The following CDK14 variants were observed in gnomAD, a reference collection of about 807,000 sequenced individuals.
CDK14 encodes cyclin-dependent kinase 14.
In CDK14, 34 loss-of-function variants were observed where a neutral mutation model predicts 60.7. The ratio of observed to expected loss-of-function variants is 0.56; its 90% CI spans 0.43 to 0.75. The LOEUF (loss-of-function observed/expected upper bound fraction) is 0.75. Among genes scored for constraint, CDK14 ranks in the 30% least tolerant of loss-of-function variants. CDK14 has a pLI of 0.00. For synonymous variants in CDK14, 197 were observed against 203.7 expected (o/e 0.97, Z 0.28); for missense variants, 482 against 564.1 (o/e 0.85, Z 1.47).
At chr7:90,844,003 A>G (rs1790382951) in intron 5 of CDK14, among the ~76,000 whole-genome samples, 2 of 152,120 alleles carry the variant, frequency 1.3e-5, no homozygotes, top group African/African-American at 2.4e-5. Context: ...CCAAGTTATG[A>G]CTTTGGTTTT....
At chr7:90,987,270 A>G (rs999659589) in intron 10 of CDK14, among the ~76,000 whole-genome samples, 4 of 152,016 alleles carry the variant, frequency 2.6e-5, no homozygotes, top group Non-Finnish European at 5.9e-5. Flanking sequence ...TAAGTCAGAT[A>G]AATAAATCAT....
chr7:90,705,040 C>A (rs1210604654), intron 2 of CDK14, among the ~76,000 whole-genome samples: 5 of 151,718 alleles, frequency 3.3e-5, no homozygotes, highest in Admixed American at 3.3e-4. Context: ...TAAATATAAT[C>A]TATTTTAAAA....
chr7:90,642,272 CATGTG>C (rs1800355968), intron 2 of CDK14, among the ~76,000 whole-genome samples: 1 of 152,220 alleles, frequency 6.6e-6, no homozygotes, highest in Non-Finnish European at 1.5e-5. Flanking sequence ...CTCAAATACA[CATGTG>C]ATGAACTGTT....
intron 8 of CDK14, 109 bp downstream of exon 8, chr7:90,917,833 G>A: frequency 9.3e-7 from 1 of 1,072,822 alleles, no homozygotes; most frequent in Non-Finnish European, 1.3e-6. Context: ...ATAGATCCTG[G>A]TAATTTTTTT....
At chr7:90,875,859 T>C (rs944150896) in intron 6 of CDK14, among the ~76,000 whole-genome samples, 2 of 152,092 alleles carry the variant, frequency 1.3e-5, no homozygotes, top group African/African-American at 4.8e-5. Context: ...TTAAATTTTA[T>C]TATTAATTTC....
chr7:90,828,614 G>A (rs1456650047), intron 5 of CDK14, among the ~76,000 whole-genome samples: 1 of 151,996 alleles, frequency 6.6e-6, no homozygotes, highest in Non-Finnish European at 1.5e-5. Flanking sequence ...TGTCTCTGTA[G>A]CTATACTGCT....
intron 14 of CDK14, among the ~76,000 whole-genome samples, chr7:91,144,256 A>T (rs978461468): frequency 2.0e-5 from 3 of 152,264 alleles, no homozygotes; most frequent in African/African-American, 7.2e-5. Flanking sequence ...AATAAAAAGT[A>T]TAAATCTGTC....
intron 5 of CDK14, among the ~76,000 whole-genome samples, chr7:90,792,198 C>CTTTTT (rs35700270): frequency 7.0e-6 from 1 of 143,552 alleles, no homozygotes; most frequent in Non-Finnish European, 1.5e-5. Context: ...CTGTGCCTGC[C>CTTTTT]TTTTTTTTTT....
chr7:91,112,518 T>A, intron 12 of CDK14, 24 bp from the exon 13 acceptor site: 1 of 1,605,452 alleles, frequency 6.2e-7, no homozygotes, highest in Non-Finnish European at 8.5e-7. Flanking sequence ...TGGTCTGACC[T>A]CTCTTTTTTG....
chr7:90,747,875 A>T, intron 4 of CDK14, 100 bp downstream of exon 4: 11 of 389,518 alleles, frequency 2.8e-5, no homozygotes, highest in Non-Finnish European at 3.4e-5. Context: ...AATATACAAT[A>T]GATTTTCCTC....
intron 12 of CDK14, among the ~76,000 whole-genome samples, chr7:91,111,966 T>A (rs1189146276): frequency 6.6e-6 from 1 of 152,190 alleles, no homozygotes; most frequent in Non-Finnish European, 1.5e-5. Context: ...CATCTTGAAT[T>A]GATTCAGCCC....
chr7:90,895,727 A>ATT (rs35655255), intron 6 of CDK14, among the ~76,000 whole-genome samples: 203 of 105,028 alleles, frequency 1.9e-3, no homozygotes, highest in African/African-American at 6.4e-3. Context: ...CACTTGGCTA[A>ATT]TTTTTTTTTT....
chr7:90,762,643 T>C (rs1382298792), intron 4 of CDK14, among the ~76,000 whole-genome samples: 1 of 152,080 alleles, frequency 6.6e-6, no homozygotes, highest in Non-Finnish European at 1.5e-5. Context: ...AAGGTGCAGA[T>C]TGAAAGCAAA....
intron 5 of CDK14, among the ~76,000 whole-genome samples, chr7:90,855,442 TCTC>T (rs1444536519): frequency 6.6e-6 from 1 of 152,210 alleles, no homozygotes; most frequent in African/African-American, 2.4e-5. Context: ...TTTCCAGATA[TCTC>T]CTTTTTAGTA....
chr7:90,753,606 T>C (rs1177142485), intron 4 of CDK14, among the ~76,000 whole-genome samples: 1 of 152,178 alleles, frequency 6.6e-6, no homozygotes, highest in Admixed American at 6.5e-5. Flanking sequence ...TCGCCGCTCC[T>C]ATTAAAACAT....
intron 14 of CDK14, among the ~76,000 whole-genome samples, chr7:91,179,363 G>C (rs1461562842): frequency 8.6e-6 from 1 of 116,842 alleles, no homozygotes; most frequent in Admixed American, 9.9e-5. Context: ...GTGGGGTGGG[G>C]GGAGGGAGGA....
chr7:90,694,409 A>G (rs983818190), intron 2 of CDK14, among the ~76,000 whole-genome samples: 3 of 152,228 alleles, frequency 2.0e-5, no homozygotes, highest in Non-Finnish European at 2.9e-5. Context: ...TATGTATTTG[A>G]TATTAAACTT....
rs1383561900 is a variant in CDK14 at position 90,926,649 on chromosome 7, G to A, written c.826+8925G>A. The stretch of plus-strand genomic sequence containing the variant: ...ATAACACTTTCAAATTAACTTTTTG[G>A]GTTATTTCCCCACACCAATAACCAA... On this transcript the variant is annotated intron_variant, in intron 8 of 14. Coordinates refer to ENST00000380050, the MANE Select transcript of CDK14 (RefSeq NM_001287135.2). Among the ~76,000 whole-genome samples the A allele has an allele frequency of 2.6e-5, 4 of 152,050 alleles. No individual in the cohort carries two copies. In the East Asian group the frequency reaches 7.7e-4, roughly 29 times the overall value.
intron 3 of CDK14, among the ~76,000 whole-genome samples, chr7:90,744,688 G>C (rs1803509242): frequency 7.1e-6 from 1 of 141,612 alleles, no homozygotes; most frequent in African/African-American, 2.7e-5. Context: ...CGGGCAGAGG[G>C]GCTCCTCACT....
Sources: gnomAD v4.1 joint callset for allele counts (sites outside exome capture counted in the v4.1 genomes callset) on GRCh38, gnomAD v4.1.1 for gene constraint, MANE v1.5 for transcripts, NCBI Gene and HGNC (gene_info 2026-07-23, HGNC 2026-07-21) for gene names.